CTNNA3: variants seen among roughly 807,000 people sequenced by gnomAD.
The protein encoded by CTNNA3 is catenin alpha-3.
Under a neutral mutation model 95.7 loss-of-function variants are expected in CTNNA3, and 76 were observed. That is an observed-to-expected ratio of 0.79 (90% confidence interval 0.66 to 0.96). CTNNA3 has a LOEUF of 0.96. CTNNA3 is among the 40% of genes least tolerant of loss of function. The probability of loss-of-function intolerance (pLI) is 0.00; values close to 1 mark genes in which losing one functional copy is unlikely to be tolerated. For synonymous variants in CTNNA3, 431 were observed against 374.4 expected (o/e 1.15, Z -1.74); for missense variants, 1,191 against 1,089.8 (o/e 1.09, Z -1.31).
chr10:67,019,148 T>C (rs1212682096), intron 7 of CTNNA3, among the ~76,000 whole-genome samples: 1 of 152,224 alleles, frequency 6.6e-6, no homozygotes, highest in Non-Finnish European at 1.5e-5. Flanking sequence ...AGGATATCAA[T>C]ACTACCTCAT....
chr10:67,587,227 G>GTGTGTGTA (rs1554858391), intron 3 of CTNNA3, among the ~76,000 whole-genome samples: 2 of 150,606 alleles, frequency 1.3e-5, no homozygotes, highest in Non-Finnish European at 3.0e-5. Flanking sequence ...GTGTGTGTGT[G>GTGTGTGTA]TGTGTGTGTG....
chr10:66,843,317 C>G (rs1207538141), intron 7 of CTNNA3, among the ~76,000 whole-genome samples: 1 of 152,104 alleles, frequency 6.6e-6, no homozygotes, highest in Non-Finnish European at 1.5e-5. Context: ...CTGCATATTT[C>G]TTTAACAAGC....
chr10:66,387,148 C>T (rs929857542), intron 11 of CTNNA3, among the ~76,000 whole-genome samples: 9 of 151,840 alleles, frequency 5.9e-5, no homozygotes, highest in African/African-American at 9.7e-5. Context: ...CTACCATCGG[C>T]GTGAACAGGC....
chr10:67,660,549 T>G (rs1840149204), intron 1 of CTNNA3, among the ~76,000 whole-genome samples: 1 of 152,210 alleles, frequency 6.6e-6, no homozygotes, highest in African/African-American at 2.4e-5. Flanking sequence ...TAATAGATAC[T>G]ATTTGAGGTT....
At chr10:67,550,220 T>C (rs934510018) in intron 3 of CTNNA3, among the ~76,000 whole-genome samples, 2 of 152,208 alleles carry the variant, frequency 1.3e-5, no homozygotes, top group African/African-American at 4.8e-5. Context: ...AGTATTCATA[T>C]ATCTAATAAT....
chr10:66,829,604 C>G (rs1589302499), intron 7 of CTNNA3, among the ~76,000 whole-genome samples: 1 of 114,128 alleles, frequency 8.8e-6, no homozygotes, highest in East Asian at 2.4e-4. Flanking sequence ...TGGAGTGAGA[C>G]TCTGTCTCAA....
chr10:67,407,273 T>A (rs939393866), intron 5 of CTNNA3, among the ~76,000 whole-genome samples: 8 of 152,136 alleles, frequency 5.3e-5, no homozygotes, highest in African/African-American at 1.9e-4. Flanking sequence ...CACACACAGA[T>A]CTATAAATGT....
chr10:67,086,861 C>T (rs1857341105), intron 7 of CTNNA3, among the ~76,000 whole-genome samples: 1 of 151,934 alleles, frequency 6.6e-6, no homozygotes, highest in Non-Finnish European at 1.5e-5. Flanking sequence ...TTCTGCCATA[C>T]TTATATAAAC....
Position 67,213,155 on chromosome 10 carries a change from G to T in CTNNA3, c.843+6452C>A, listed in dbSNP as rs554319604. On this transcript the variant is annotated intron_variant, in intron 6 of 17. Coordinates refer to ENST00000433211, the MANE Select transcript of CTNNA3 (RefSeq NM_013266.4). ...GATTGTCTATACTTGAGTCAATTTT[G>T]TTAATTTATATTTTCTTAGGAATTT... 5.9e-5 allele frequency among the ~76,000 whole-genome samples: 9 copies of T among 151,682 alleles called. No homozygotes were observed. The South Asian group carries it at 1.7e-3, about 28-fold the overall frequency.
intron 7 of CTNNA3, among the ~76,000 whole-genome samples, chr10:67,092,931 GCAT>G (rs1336345038): frequency 2.6e-5 from 4 of 151,914 alleles, no homozygotes; most frequent in Non-Finnish European, 5.9e-5. Flanking sequence ...TATTACAATA[GCAT>G]ATAACGATTT....
At chr10:66,738,342 C>G (rs1230193082) in intron 9 of CTNNA3, among the ~76,000 whole-genome samples, 1 of 151,924 alleles carries the variant, frequency 6.6e-6, no homozygotes, top group Non-Finnish European at 1.5e-5. Context: ...CTGTTTTTAC[C>G]ACCTCCAATG....
intron 7 of CTNNA3, among the ~76,000 whole-genome samples, chr10:67,049,398 G>A (rs1854950004): frequency 6.6e-6 from 1 of 152,048 alleles, no homozygotes; most frequent in Admixed American, 6.6e-5. Context: ...CATACAAAAT[G>A]TAAACTGAAT....
intron 7 of CTNNA3, among the ~76,000 whole-genome samples, chr10:67,039,553 T>C (rs907448439): frequency 6.6e-6 from 1 of 152,052 alleles, no homozygotes; most frequent in Non-Finnish European, 1.5e-5. Flanking sequence ...TGTTGATACT[T>C]TTTTTGTTTA....
At chr10:66,206,868 C>T (rs1197344544) in intron 13 of CTNNA3, among the ~76,000 whole-genome samples, 1 of 151,842 alleles carries the variant, frequency 6.6e-6, no homozygotes, top group African/African-American at 2.4e-5. Context: ...ACCTCAACAG[C>T]CTGCCTTTTA....
intron 3 of CTNNA3, among the ~76,000 whole-genome samples, chr10:67,601,086 T>A (rs1843069479): frequency 6.6e-6 from 1 of 152,168 alleles, no homozygotes; most frequent in Admixed American, 6.5e-5. Flanking sequence ...TGGGTGGAGG[T>A]TACATGAGTG....
intron 9 of CTNNA3, among the ~76,000 whole-genome samples, chr10:66,708,380 TCTG>T (rs1199241771): frequency 2.0e-5 from 3 of 152,070 alleles, no homozygotes; most frequent in African/African-American, 7.2e-5. Context: ...GCCTTCTTGC[TCTG>T]TCTTCGCATG....
chr10:67,056,152 C>G (rs757809617), intron 7 of CTNNA3, among the ~76,000 whole-genome samples: 1 of 152,076 alleles, frequency 6.6e-6, no homozygotes, highest in Non-Finnish European at 1.5e-5. Flanking sequence ...TACATACTGT[C>G]GCCCATTCAT....
chr10:66,317,825 T>G (rs1009012164), intron 12 of CTNNA3, among the ~76,000 whole-genome samples: 1 of 152,118 alleles, frequency 6.6e-6, no homozygotes, highest in Non-Finnish European at 1.5e-5. Flanking sequence ...GAATTTTCTG[T>G]CAAGGTTATG....
intron 13 of CTNNA3, among the ~76,000 whole-genome samples, chr10:66,180,041 A>G (rs1296968297): frequency 6.6e-6 from 1 of 152,184 alleles, no homozygotes; most frequent in Non-Finnish European, 1.5e-5. Flanking sequence ...GTTAGTTCTG[A>G]ACCCTAGAGA....
Sources: gnomAD v4.1 joint callset for allele counts (sites outside exome capture counted in the v4.1 genomes callset) on GRCh38, gnomAD v4.1.1 for gene constraint, MANE v1.5 for transcripts, NCBI Gene and HGNC (gene_info 2026-07-23, HGNC 2026-07-21) for gene names.